Variants in SKP1 observed in about 807,000 individuals in gnomAD.
The protein encoded by SKP1 is S-phase kinase-associated protein 1.
In SKP1, 1 loss-of-function variant was observed where a neutral mutation model predicts 21.5. The observed-to-expected ratio is 0.05, with a 90% CI of 0.02 to 0.22. The LOEUF (loss-of-function observed/expected upper bound fraction) is 0.22. Ranked by LOEUF, SKP1 falls within the 10% of genes least tolerant of loss-of-function variation. SKP1 has a pLI of 1.00. For missense variants in SKP1, 70 were observed against 192.0 expected, an observed-to-expected ratio of 0.36 and a Z score of 3.76; for synonymous variants, 59 against 59.3, an observed-to-expected ratio of 0.99 and a Z score of 0.03.
intron 2 of SKP1, among the ~76,000 whole-genome samples, chr5:134,167,528 G>GTT (rs200685045): frequency 1.2e-4 from 18 of 145,844 alleles, no homozygotes; most frequent in Non-Finnish European, 1.5e-4. Flanking sequence ...CTAGAGAGGG[G>GTT]TTTTTTTTTT....
At chr5:134,172,643 G>C (rs896137291) in intron 2 of SKP1, among the ~76,000 whole-genome samples, 1 of 152,058 alleles carries the variant, frequency 6.6e-6, no homozygotes, top group Admixed American at 6.6e-5. Flanking sequence ...AGTACTTTGG[G>C]GTGCCGAGGT....
Position 134,155,705 on chromosome 5 carries a change from A to T in SKP1, c.*2028T>A, listed in dbSNP as rs1349126255. The T allele has an allele frequency of 6.6e-6, 1 of 152,258 alleles. No homozygotes were observed. The highest frequency in any genetic ancestry group is 1.5e-5 in the Non-Finnish European group (1 of 68,048). 9.4% of individuals were successfully genotyped at this position (152,258 alleles called of 1,614,324 possible). A position where few individuals can be genotyped will look rare whatever the true frequency, so the allele number is the denominator to read the frequency against. Reference sequence around the variant, plus strand: ...TAATAACAAGCTCCAGTTTCTTAGAAGGTGATACTTCCTTTACAAGTTAAA... The same window carrying T: ...TAATAACAAGCTCCAGTTTCTTAGATGGTGATACTTCCTTTACAAGTTAAA... On this transcript the variant is annotated 3_prime_UTR_variant, in exon 6 of 6. Coordinates refer to ENST00000353411, the MANE Select transcript of SKP1 (RefSeq NM_170679.3).
chr5:134,165,057 A>C (rs1463795553), intron 3 of SKP1, among the ~76,000 whole-genome samples: 4 of 123,694 alleles, frequency 3.2e-5, no homozygotes, highest in Admixed American at 1.6e-4. Flanking sequence ...AGGGTGTACC[A>C]ATTTTTTTTT....
At chr5:134,160,869 C>T (rs920281515) in intron 4 of SKP1, 118 bp downstream of exon 4, 10 of 665,332 alleles carry the variant, frequency 1.5e-5, no homozygotes, top group African/African-American at 3.7e-5. Context: ...TTAAATATGG[C>T]GTTACATTTG....
Position 134,151,621 on chromosome 5 carries a change from T to C in SKP1, c.*6112A>G, listed in dbSNP as rs777325285. 1 of 454,458 alleles carries C rather than the reference T, an allele frequency of 2.2e-6. No individual in the cohort carries two copies. The highest frequency in any genetic ancestry group is 4.4e-6 in the Non-Finnish European group (1 of 225,988). The allele number at this position is 454,458 out of a possible 1,614,324, so 28.2% of individuals were successfully genotyped here. On this transcript the variant is annotated 3_prime_UTR_variant, in exon 6 of 6. Coordinates refer to ENST00000353411, the MANE Select transcript of SKP1 (RefSeq NM_170679.3). ...AGGTTGAAAATTTGAAGTTAAGAGA[T>C]ATCAGAAGGTCTGAATATACTTAAA...
At chr5:134,163,212 C>CAAAAAAAAAAAAAA (rs747546593) in intron 3 of SKP1, among the ~76,000 whole-genome samples, 9 of 70,084 alleles carry the variant, frequency 1.3e-4, no homozygotes, top group African/African-American at 5.5e-4. Context: ...GCGATTCTGT[C>CAAAAAAAAAAAAAA]AAAAAAAAAA....
At chr5:134,158,889 T>C (rs1761167503) in intron 4 of SKP1, among the ~76,000 whole-genome samples, 1 of 152,198 alleles carries the variant, frequency 6.6e-6, no homozygotes, top group Admixed American at 6.6e-5. Context: ...AAATACCACA[T>C]CAGGTCTTGG....
rs927206528 is a variant in SKP1 at position 134,152,961 on chromosome 5, G to C, written c.*4772C>G. 3.3e-5 allele frequency: 5 copies of C among 152,286 alleles called. No individual in the cohort carries two copies. The highest frequency in any genetic ancestry group is 4.8e-5 in the African/African-American group (2 of 41,558). The allele number at this position is 152,286 out of a possible 1,614,324, so 9.4% of individuals were successfully genotyped here. ...ACCATGTCTAATGCTTCCTACCAAG[G>C]AGAAGCCAGGAGCTACACTTTAAGG... is the stretch of plus-strand genomic sequence containing the variant. On this transcript the variant is annotated 3_prime_UTR_variant, in exon 6 of 6. Coordinates refer to ENST00000353411, the MANE Select transcript of SKP1 (RefSeq NM_170679.3).
chr5:134,167,562 G>A (rs572812668), intron 2 of SKP1, among the ~76,000 whole-genome samples: 26 of 150,542 alleles, frequency 1.7e-4, no homozygotes, highest in Non-Finnish European at 3.0e-4. Context: ...TTGCTCTGTC[G>A]CCCAGGCTAG....
At chr5:134,166,905 AG>A (rs889457664) in intron 3 of SKP1, among the ~76,000 whole-genome samples, 1 of 152,198 alleles carries the variant, frequency 6.6e-6, no homozygotes, top group African/African-American at 2.4e-5. Flanking sequence ...CATCCTTCCT[AG>A]GGAAGTGTTT....
intron 3 of SKP1, among the ~76,000 whole-genome samples, chr5:134,166,501 A>G (rs1761333761): frequency 6.8e-6 from 1 of 146,186 alleles, no homozygotes; most frequent in South Asian, 2.2e-4. Context: ...GAATCACCTG[A>G]ACCCAGGAGG....
chr5:134,176,140 A>C (rs750642831), intron 1 of SKP1, among the ~76,000 whole-genome samples: 4 of 152,236 alleles, frequency 2.6e-5, no homozygotes, highest in Non-Finnish European at 4.4e-5. Context: ...TAAAAGCCAG[A>C]TACCTAGAGT....
In SKP1 at chr5:134,157,663, A is replaced by G; in HGVS notation, c.*70T>C. ...GTCTACTGTTTGTCTAATATTAACA[A>G]TTATAAACAGAGCAGTGCAACTAGT... On this transcript the variant is annotated 3_prime_UTR_variant, in exon 6 of 6. Coordinates refer to ENST00000353411, the MANE Select transcript of SKP1 (RefSeq NM_170679.3). The G allele has an allele frequency of 8.2e-7, 1 of 1,219,768 alleles. No homozygotes were observed. Among genetic ancestry groups the G allele is most frequent in the East Asian group, 2.3e-5 (1 of 42,990 alleles). 75.6% of individuals were successfully genotyped at this position (1,219,768 alleles called of 1,614,324 possible).
rs1278952310 is a variant in SKP1 at position 134,148,954 on chromosome 5, A to G, written c.*8779T>C. 1 of 152,242 alleles carries G rather than the reference A, an allele frequency of 6.6e-6. No homozygotes were observed. Among genetic ancestry groups the G allele is most frequent in the Non-Finnish European group, 1.5e-5 (1 of 68,042 alleles). 9.4% of individuals were successfully genotyped at this position (152,242 alleles called of 1,614,324 possible). On this transcript the variant is annotated 3_prime_UTR_variant, in exon 6 of 6. Coordinates refer to ENST00000353411, the MANE Select transcript of SKP1 (RefSeq NM_170679.3). ...GTTACATACGCTGTTGGTGGACACG[A>G]CAGCCACCATATCCACTTTATTTTT...
In SKP1 at chr5:134,150,590, T is replaced by C. The variant is rs975497428; in HGVS notation, c.*7143A>G. The C allele has an allele frequency of 1.3e-5, 2 of 152,226 alleles. No individual in the cohort carries two copies. Among genetic ancestry groups the C allele is most frequent in the African/African-American group, 2.4e-5 (1 of 41,466 alleles). 9.4% of individuals were successfully genotyped at this position (152,226 alleles called of 1,614,324 possible). Reference sequence around the variant, plus strand: ...AAGTTGGCTTTTCTTTGAGGTTCTTTGAGAGTCCTTAACTGCGACTCTCAG... The same window carrying C: ...AAGTTGGCTTTTCTTTGAGGTTCTTCGAGAGTCCTTAACTGCGACTCTCAG... On this transcript the variant is annotated 3_prime_UTR_variant, in exon 6 of 6. Transcript: ENST00000353411.
intron 2 of SKP1, among the ~76,000 whole-genome samples, chr5:134,172,366 G>A (rs1216217801): frequency 6.6e-6 from 1 of 152,102 alleles, no homozygotes; most frequent in Non-Finnish European, 1.5e-5. Flanking sequence ...TGACATTTAA[G>A]TACTAAAGAA....
intron 3 of SKP1, among the ~76,000 whole-genome samples, chr5:134,166,226 T>A (rs931371001): frequency 1.3e-5 from 2 of 149,632 alleles, no homozygotes; most frequent in African/African-American, 5.0e-5. Flanking sequence ...CATAGACATA[T>A]CACCTTTCAT....
At chr5:134,168,013 C>T (rs1761366093) in intron 2 of SKP1, among the ~76,000 whole-genome samples, 3 of 152,268 alleles carry the variant, frequency 2.0e-5, no homozygotes, top group Middle Eastern at 3.4e-3. Flanking sequence ...ATAAAAAGTA[C>T]TTTACTTAGA....
intron 4 of SKP1, among the ~76,000 whole-genome samples, chr5:134,159,547 A>ATT (rs1166778296): frequency 1.0e-3 from 136 of 134,454 alleles, no homozygotes; most frequent in African/African-American, 3.2e-3. Flanking sequence ...CACCCAGCTA[A>ATT]TTTTTTTTTT....
Sources: gnomAD v4.1 joint callset for allele counts (sites outside exome capture counted in the v4.1 genomes callset) on GRCh38, gnomAD v4.1.1 for gene constraint, MANE v1.5 for transcripts, NCBI Gene and HGNC (gene_info 2026-07-23, HGNC 2026-07-21) for gene names.